SOX5: variants seen among roughly 807,000 people sequenced by gnomAD.
The protein encoded by SOX5 is SRY-box transcription factor 5, also known as transcription factor SOX-5.
SOX5 carries 9 observed loss-of-function variants against 92.0 expected under a neutral mutation model. The ratio of observed to expected loss-of-function variants is 0.10; its 90% CI spans 0.06 to 0.17. SOX5 has a LOEUF of 0.17. Among genes scored for constraint, SOX5 ranks in the 10% least tolerant of loss-of-function variants. The pLI, the probability that SOX5 is intolerant of heterozygous loss-of-function variation, is 1.00. For synonymous variants in SOX5, 344 were observed against 336.3 expected (o/e 1.02, Z -0.25); for missense variants, 642 against 944.5 (o/e 0.68, Z 4.20).
At chr12:24,324,145 C>T (rs750131830) in intron 2 of SOX5, among the ~76,000 whole-genome samples, 11 of 151,924 alleles carry the variant, frequency 7.2e-5, no homozygotes, top group African/African-American at 2.4e-4. Flanking sequence ...TTATTTCAAA[C>T]GTCATTTTGC....
chr12:23,959,659 G>A (rs2139992143), intron 4 of SOX5, among the ~76,000 whole-genome samples: 1 of 152,194 alleles, frequency 6.6e-6, no homozygotes, highest in Middle Eastern at 3.4e-3. Context: ...CCCCCTCCAT[G>A]ATCTATAAAG....
rs200045956 is a variant in SOX5 at position 24,545,505 on chromosome 12, TC to T, written c.-251+16823del. On this transcript the variant is annotated intron_variant, in intron 1 of 4. Transcript: ENST00000446891. The stretch of plus-strand genomic sequence containing the variant: ...CAAGGGGTTTAAAAAGGTTTTCTTC[TC>T]AAAAAAAAAAATCGACAGATTTTCA... Among the ~76,000 whole-genome samples the T allele has an allele frequency of 5.1e-3, 764 of 150,338 alleles. 3 individuals carry two copies. Among genetic ancestry groups the T allele is most frequent in the African/African-American group, 0.018 (720 of 40,934 alleles).
intron 4 of SOX5, among the ~76,000 whole-genome samples, chr12:24,164,898 T>C (rs995278694): frequency 2.0e-5 from 3 of 152,080 alleles, no homozygotes; most frequent in Non-Finnish European, 4.4e-5. Context: ...GGCAATTTGT[T>C]CTCATTATTT....
At chr12:24,150,993 T>G (rs545682188) in intron 4 of SOX5, among the ~76,000 whole-genome samples, 6 of 152,198 alleles carry the variant, frequency 3.9e-5, no homozygotes, top group African/African-American at 1.4e-4. Flanking sequence ...AGACTACTTG[T>G]AAAGCAATGT....
intron 1 of SOX5, among the ~76,000 whole-genome samples, chr12:23,922,414 A>G (rs1938565601): frequency 6.6e-6 from 1 of 152,222 alleles, no homozygotes; most frequent in Non-Finnish European, 1.5e-5. Flanking sequence ...TCTCCTTTAA[A>G]TTTACAATTA....
intron 4 of SOX5, among the ~76,000 whole-genome samples, chr12:24,090,805 G>C (rs1248429389): frequency 6.6e-6 from 1 of 152,154 alleles, no homozygotes; most frequent in African/African-American, 2.4e-5. Flanking sequence ...ATGATATTTA[G>C]AGACAGAATA....
At chr12:23,572,020 A>G (rs544069109) in intron 10 of SOX5, among the ~76,000 whole-genome samples, 16 of 152,290 alleles carry the variant, frequency 1.1e-4, no homozygotes, top group Non-Finnish European at 1.9e-4. Context: ...AAGATTCTAA[A>G]ATTATCCATC....
intron 4 of SOX5, among the ~76,000 whole-genome samples, chr12:23,988,428 T>TGTAAACCTATAATGGAATTTGA (rs1950249020): frequency 6.6e-6 from 1 of 152,146 alleles, no homozygotes; most frequent in South Asian, 2.1e-4. Flanking sequence ...ATTATAGGGT[T>TGTAAACCTATAATGGAATTTGA]GGGATTTGAG....
intron 1 of SOX5, among the ~76,000 whole-genome samples, chr12:24,436,607 C>T (rs1395967400): frequency 6.6e-6 from 1 of 152,200 alleles, no homozygotes; most frequent in Admixed American, 6.5e-5. Flanking sequence ...CAAGGGGAAG[C>T]AGCGAGTGCT....
intron 4 of SOX5, among the ~76,000 whole-genome samples, chr12:24,140,715 T>C (rs1950510218): frequency 6.6e-6 from 1 of 152,188 alleles, no homozygotes; most frequent in Non-Finnish European, 1.5e-5. Flanking sequence ...TCTAACAACG[T>C]ATGTATTTAC....
chr12:24,422,528 A>T (rs1047539791), intron 1 of SOX5, among the ~76,000 whole-genome samples: 4 of 152,208 alleles, frequency 2.6e-5, no homozygotes, highest in African/African-American at 9.6e-5. Context: ...ACCTGAACCC[A>T]CAACAAACCT....
intron 4 of SOX5, among the ~76,000 whole-genome samples, chr12:24,099,202 C>A (rs1945784739): frequency 6.6e-6 from 1 of 152,124 alleles, no homozygotes; most frequent in Non-Finnish European, 1.5e-5. Flanking sequence ...TAAAAATATT[C>A]AGGCTGCATG....
At chr12:23,571,047 T>TG (rs1179768176) in intron 10 of SOX5, among the ~76,000 whole-genome samples, 1 of 137,002 alleles carries the variant, frequency 7.3e-6, no homozygotes, top group Non-Finnish European at 1.5e-5. Flanking sequence ...GAGGCTCAGG[T>TG]GGGAGGATCA....
intron 1 of SOX5, among the ~76,000 whole-genome samples, chr12:24,465,271 A>G (rs1304328889): frequency 6.6e-6 from 1 of 152,238 alleles, no homozygotes; most frequent in Non-Finnish European, 1.5e-5. Context: ...TATCATTCCT[A>G]ATCGTTACAA....
chr12:24,081,033 G>C (rs1440861051), intron 4 of SOX5, among the ~76,000 whole-genome samples: 1 of 151,948 alleles, frequency 6.6e-6, no homozygotes, highest in Non-Finnish European at 1.5e-5. Context: ...ATTAACTTGT[G>C]AATTTAATAC....
chr12:24,009,621 T>G (rs1952687011), intron 4 of SOX5, among the ~76,000 whole-genome samples: 1 of 152,096 alleles, frequency 6.6e-6, no homozygotes, highest in South Asian at 2.1e-4. Context: ...AAGAAGAGGT[T>G]AAAAAGATCA....
chr12:24,354,716 C>G (rs1403797690), intron 2 of SOX5, among the ~76,000 whole-genome samples: 1 of 152,164 alleles, frequency 6.6e-6, no homozygotes, highest in African/African-American at 2.4e-5. Context: ...GACCATTGGT[C>G]TCTAACACAA....
intron 3 of SOX5, among the ~76,000 whole-genome samples, chr12:24,255,998 C>A (rs1001212757): frequency 1.3e-5 from 2 of 152,084 alleles, no homozygotes; most frequent in Admixed American, 1.3e-4. Context: ...CAACATATAT[C>A]AAAAATTGAC....
chr12:24,197,508 C>G (rs541233387), intron 4 of SOX5, among the ~76,000 whole-genome samples: 2 of 152,170 alleles, frequency 1.3e-5, no homozygotes, highest in Non-Finnish European at 2.9e-5. Flanking sequence ...CCCAATACCC[C>G]TTCCCTGGCT....
Sources: allele counts gnomAD v4.1 joint callset (sites outside exome capture counted in the v4.1 genomes callset), GRCh38; gene constraint gnomAD v4.1.1; transcripts MANE v1.5; gene names NCBI Gene and HGNC (gene_info 2026-07-23, HGNC 2026-07-21).